TMEM239: variants seen among roughly 807,000 people sequenced by gnomAD.
TMEM239 encodes transmembrane protein 239.
A neutral mutation model predicts 14.6 loss-of-function variants in TMEM239; 10 were observed. The ratio of observed to expected loss-of-function variants is 0.68; its 90% CI spans 0.42 to 1.16. TMEM239 has a LOEUF of 1.16. Ranked by LOEUF, TMEM239 falls within the 50% of genes most tolerant of loss-of-function variation. TMEM239 has a pLI of 0.00. For missense variants in TMEM239, 183 were observed against 194.4 expected (o/e 0.94, Z 0.35); for synonymous variants, 94 against 89.9 (o/e 1.05, Z -0.26).
rs1425174089 is a variant in TMEM239, at chr20:2,816,501, C to CT, written c.-11-43_-11-42insT. Reference sequence around the variant, plus strand: ...CTGCACCCCCTCTCTGCCCCCCCCCCCCAAGGTCCCAGGCATCTTCAAGAC... The same window carrying CT: ...CTGCACCCCCTCTCTGCCCCCCCCCCTCCAAGGTCCCAGGCATCTTCAAGAC... On this transcript the variant is annotated intron_variant, in intron 1 of 1. Transcript: ENST00000380585. 11 of 1,528,342 alleles carry CT rather than the reference C, an allele frequency of 7.2e-6. No homozygotes were observed. The African/African-American group carries it at 1.6e-4, about 22-fold the overall frequency. The allele number at this position is 1,528,342 out of a possible 1,614,324, so 94.7% of individuals were successfully genotyped here.
At chr20:2,815,903 G>T, upstream of TMEM239, 1 of 766,052 alleles carries the variant, frequency 1.3e-6, no homozygotes, top group East Asian at 2.5e-5. Flanking sequence ...GAACCTCACA[G>T]TCCTATAATA....
chr20:2,818,974 G>T (rs2088702688), downstream of TMEM239: 2 of 152,274 alleles, frequency 1.3e-5, no homozygotes, highest in South Asian at 4.1e-4. Context: ...TCAAGGGAAG[G>T]TGAAGGGGGC....
At position 2,816,502 on chromosome 20, in the gene TMEM239, C is replaced by T. The variant is rs750254767; in HGVS notation, c.-11-42C>T. 3.3e-4 allele frequency: 489 copies of T among 1,503,870 alleles called. 7 individuals are homozygous for T. The African/African-American group carries it at 6.0e-3, about 18-fold the overall frequency. The allele number at this position is 1,503,870 out of a possible 1,614,324, so 93.2% of individuals were successfully genotyped here. On this transcript the variant is annotated intron_variant, in intron 1 of 1. Transcript: ENST00000380585. Reference sequence around the variant, plus strand: ...TGCACCCCCTCTCTGCCCCCCCCCCCCAAGGTCCCAGGCATCTTCAAGACC... The same window carrying T: ...TGCACCCCCTCTCTGCCCCCCCCCCTCAAGGTCCCAGGCATCTTCAAGACC...
At chr20:2,818,227 G>C (rs2088698551), downstream of TMEM239, 1 of 152,244 alleles carries the variant, frequency 6.6e-6, no homozygotes, top group Non-Finnish European at 1.5e-5. Flanking sequence ...GCAATCCTTT[G>C]ATGCCCTGAA....
At chr20:2,815,976 G>T, upstream of TMEM239, 1 of 619,206 alleles carries the variant, frequency 1.6e-6, no homozygotes, top group Non-Finnish European at 2.8e-6. Context: ...ACTAGCCAGG[G>T]AGCCCAAGGA....
chr20:2,816,407 T>A lies in TMEM239; in HGVS notation c.-20T>A. 1 of 1,535,880 alleles carries A rather than the reference T, an allele frequency of 6.5e-7. No individual in the cohort carries two copies. Among genetic ancestry groups the A allele is most frequent in the Non-Finnish European group, 8.7e-7 (1 of 1,146,838 alleles). On this transcript the variant is annotated 5_prime_UTR_variant, in exon 1 of 2. Coordinates refer to ENST00000380585, the MANE Select transcript of TMEM239 (RefSeq NM_001167670.3). ...CAGGAAGCAACATGACTTAGGTAAC[T>A]GCCCAGAGGTAAGTCCCAGTCCCTA...
chr20:2,818,254 A>T (rs2088698710), downstream of TMEM239: 1 of 152,232 alleles, frequency 6.6e-6, no homozygotes, highest in South Asian at 2.1e-4. Context: ...CCGTTCGTTC[A>T]CTTGCTGGCC....
chr20:2,818,881 T>A (rs1051874744), downstream of TMEM239: 4 of 152,240 alleles, frequency 2.6e-5, no homozygotes, highest in Admixed American at 2.0e-4. Context: ...GCTGTGACCA[T>A]CCCATTTTAG....
chr20:2,816,271 C>T (rs1568608335), upstream of TMEM239: 10 of 1,448,756 alleles, frequency 6.9e-6, no homozygotes, highest in Non-Finnish European at 2.8e-6. Context: ...AGTGACTCCT[C>T]TCTTGGCTGG....
rs1254700633 is a variant in TMEM239, at chr20:2,817,413, G to C, written c.*400G>C. 4 of 335,292 alleles carry C rather than the reference G, an allele frequency of 1.2e-5. No individual in the cohort carries two copies. Among genetic ancestry groups the C allele is most frequent in the Non-Finnish European group, 2.2e-5 (4 of 183,148 alleles). The allele number at this position is 335,292 out of a possible 1,614,324, so 20.8% of individuals were successfully genotyped here. A position where few individuals can be genotyped will look rare whatever the true frequency, so the allele number is the denominator to read the frequency against. On this transcript the variant is annotated 3_prime_UTR_variant, in exon 2 of 2. Transcript: ENST00000380585. ...AGACTCACTGAGAACTTCTACCTGG[G>C]TACCACTGGCCTTGCCATTCCTCCC...
In TMEM239 at chr20:2,816,481, C is replaced by A. The variant is rs546590294; in HGVS notation, c.-11-63C>A. The A allele has an allele frequency of 9.4e-6, 14 of 1,493,180 alleles. No individual in the cohort carries two copies. The South Asian group carries it at 1.6e-4, about 17-fold the overall frequency. 92.5% of individuals were successfully genotyped at this position (1,493,180 alleles called of 1,614,324 possible). A position where few individuals can be genotyped will look rare whatever the true frequency, so the allele number is the denominator to read the frequency against. The stretch of plus-strand genomic sequence containing the variant: ...CACTGGTGCCCTCCTGACCCCTGCA[C>A]CCCCTCTCTGCCCCCCCCCCCCAAG... On this transcript the variant is annotated intron_variant, in intron 1 of 1. Transcript: ENST00000380585.
rs1442181375 is a variant in TMEM239, at chr20:2,816,803, C to T, written c.249C>T (p.Thr83=). The change falls in exon 2 of 2, where the codon ACC becomes ACT. Residue 83 remains threonine, a synonymous_variant. Coordinates refer to ENST00000380585, the MANE Select transcript of TMEM239 (RefSeq NM_001167670.3). ...LALMLCHALF[T]TGSHLLSSLW... is the part of the protein sequence containing the mutation. ...TGATGTTGTGCCATGCACTCTTCAC[C>T]ACTGGCTCCCACCTGCTGAGCTCCT... The T allele has an allele frequency of 6.4e-6, 10 of 1,550,908 alleles. No individual in the cohort carries two copies. Among genetic ancestry groups the T allele is most frequent in the African/African-American group, 1.4e-5 (1 of 73,046 alleles).
At chr20:2,816,105 G>A (rs183719463), upstream of TMEM239, among the ~76,000 whole-genome samples, 5 of 152,290 alleles carry the variant, frequency 3.3e-5, no homozygotes, top group South Asian at 2.1e-4. Context: ...TTGGAAAGGG[G>A]TGGATATCAG....
chr20:2,817,314 G>A lies in TMEM239; in HGVS notation c.*301G>A, dbSNP rs754896481. The A allele has an allele frequency of 1.1e-5, 6 of 553,804 alleles. No homozygotes were observed. The highest frequency in any genetic ancestry group is 1.9e-5 in the Non-Finnish European group (6 of 313,600). 34.3% of individuals were successfully genotyped at this position (553,804 alleles called of 1,614,324 possible). ...AGCCACTGATAGCGCCCATATGGAT[G>A]TGATGATACCCGTGGGGCCCCCTTG... On this transcript the variant is annotated 3_prime_UTR_variant, in exon 2 of 2. Transcript: ENST00000380585.
In TMEM239 at chr20:2,817,593, C is replaced by T. The variant is rs1216481767; in HGVS notation, c.*580C>T. On this transcript the variant is annotated 3_prime_UTR_variant, in exon 2 of 2. Coordinates refer to ENST00000380585, the MANE Select transcript of TMEM239 (RefSeq NM_001167670.3). ...CAGCCCACGCATCCTCCTCCCTAGA[C>T]TTCCTACTTCCTGCCTCAGTCTGCA... The T allele has an allele frequency of 6.4e-6, 1 of 157,016 alleles. No individual in the cohort carries two copies. The highest frequency in any genetic ancestry group is 1.4e-5 in the Non-Finnish European group (1 of 71,098). The allele number at this position is 157,016 out of a possible 1,614,324, so 9.7% of individuals were successfully genotyped here. A position where few individuals can be genotyped will look rare whatever the true frequency, so the allele number is the denominator to read the frequency against.
chr20:2,816,888 C>G lies in TMEM239; in HGVS notation c.334C>G (p.Leu112Val), dbSNP rs1418039430. The G allele has an allele frequency of 6.5e-7, 1 of 1,542,898 alleles. No homozygotes were observed. Among genetic ancestry groups the G allele is most frequent in the Non-Finnish European group, 8.7e-7 (1 of 1,147,014 alleles). ...HLLPALLLLVLSALPALLFTA... is the reference protein window; with the variant it reads ...HLLPALLLLVVSALPALLFTA... ...GCTACCGGCTCTCCTGCTGCTGGTG[C>G]TCAGTGCTCTGCCTGCCCTCCTCTT... The change falls in exon 2 of 2, where the codon CTC (leucine) becomes GTC (valine). Residue 112 changes from leucine to valine, a missense_variant. Coordinates refer to ENST00000380585, the MANE Select transcript of TMEM239 (RefSeq NM_001167670.3).
upstream of TMEM239, chr20:2,815,807 A>G: frequency 6.4e-7 from 1 of 1,556,434 alleles, no homozygotes; most frequent in Non-Finnish European, 8.8e-7. Flanking sequence ...TGTCCTTCAA[A>G]TATACAATGA....
At position 2,816,788 on chromosome 20, in the gene TMEM239, C is replaced by T. The variant is rs375610027; in HGVS notation, c.234C>T (p.Cys78=). Residue 78 remains cysteine (C), a synonymous_variant, in exon 2 of 2, where the codon TGC becomes TGT. Coordinates refer to ENST00000380585, the MANE Select transcript of TMEM239 (RefSeq NM_001167670.3). Reference sequence around the variant, plus strand: ...ACCTGCTGCTGGCACTGATGTTGTGCCATGCACTCTTCACCACTGGCTCCC... The same window carrying T: ...ACCTGCTGCTGGCACTGATGTTGTGTCATGCACTCTTCACCACTGGCTCCC... The part of the protein sequence containing the change: ...ILYLLLALML[C]HALFTTGSHL... 3.2e-6 allele frequency: 5 copies of T among 1,551,008 alleles called. No individual in the cohort carries two copies. The African/African-American group carries it at 4.1e-5, about 13-fold the overall frequency.
In TMEM239 at chr20:2,816,589, T is replaced by A; in HGVS notation, c.35T>A (p.Ile12Asn). The change falls in exon 2 of 2, where the codon ATC (isoleucine) becomes AAC (asparagine). Residue 12 changes from isoleucine (I) to asparagine (N), a missense_variant. Coordinates refer to ENST00000380585, the MANE Select transcript of TMEM239 (RefSeq NM_001167670.3). The part of the protein sequence containing the change: ...MQQPRVETDT[I>N]GAGEGPQQAV... ...CAGCCGCGAGTGGAGACAGATACCATCGGGGCTGGCGAGGGGCCACAGCAG... is the reference window on the plus strand; with the variant it reads ...CAGCCGCGAGTGGAGACAGATACCAACGGGGCTGGCGAGGGGCCACAGCAG... The A allele has an allele frequency of 6.6e-7, 1 of 1,514,900 alleles. No homozygotes were observed. Among genetic ancestry groups the A allele is most frequent in the Non-Finnish European group, 8.8e-7 (1 of 1,133,868 alleles). 93.8% of individuals were successfully genotyped at this position (1,514,900 alleles called of 1,614,324 possible).
Sources: gnomAD v4.1 joint callset for allele counts (sites outside exome capture counted in the v4.1 genomes callset) on GRCh38, gnomAD v4.1.1 for gene constraint, MANE v1.5 for transcripts, NCBI Gene and HGNC (gene_info 2026-07-23, HGNC 2026-07-21) for gene names.